Variants in CAMK2B observed in about 807,000 individuals in gnomAD.
CAMK2B encodes calcium/calmodulin-dependent protein kinase type II subunit beta.
CAMK2B carries 27 observed loss-of-function variants against 93.7 expected under a neutral mutation model. The observed-to-expected ratio is 0.29, with a 90% CI of 0.21 to 0.40. The LOEUF is 0.40. Ranked by LOEUF, CAMK2B falls within the 10% of genes least tolerant of loss-of-function variation. CAMK2B has a pLI of 1.00. For synonymous variants in CAMK2B, 374 were observed against 358.8 expected (o/e 1.04, Z -0.48); for missense variants, 568 against 895.8 (o/e 0.63, Z 4.67).
At chr7:44,227,916 A>G (rs533055820) in intron 19 of CAMK2B, among the ~76,000 whole-genome samples, 1 of 89,252 alleles carries the variant, frequency 1.1e-5, no homozygotes, top group Non-Finnish European at 2.2e-5. Context: ...ACTTAGGGGG[A>G]CGTGGAGAGG....
chr7:44,304,283 AC>A (rs996714005), intron 1 of CAMK2B, among the ~76,000 whole-genome samples: 20 of 152,324 alleles, frequency 1.3e-4, no homozygotes, highest in Non-Finnish European at 2.6e-4. Context: ...TCCACAAAAT[AC>A]CCGCAAACGG....
At chr7:44,320,870 C>T (rs1157015993) in intron 1 of CAMK2B, among the ~76,000 whole-genome samples, 3 of 152,232 alleles carry the variant, frequency 2.0e-5, no homozygotes, top group South Asian at 4.2e-4. Context: ...GGCAGGGAGC[C>T]GGACCTCCGC....
At position 44,219,200 on chromosome 7, in the gene CAMK2B, C is replaced by G. The variant is rs948057788; in HGVS notation, c.*325G>C. 1 of 151,884 alleles carries G rather than the reference C, an allele frequency of 6.6e-6. No individual in the cohort carries two copies. The highest frequency in any genetic ancestry group is 2.4e-5 in the African/African-American group (1 of 41,314). 9.4% of individuals were successfully genotyped at this position (151,884 alleles called of 1,614,324 possible). Reference sequence around the variant, plus strand: ...GTCCCCCAGAGGCCAGGAGCACAGACGGACACACGTGGAGCTTGGGTGGGG... The same window carrying G: ...GTCCCCCAGAGGCCAGGAGCACAGAGGGACACACGTGGAGCTTGGGTGGGG... On this transcript the variant is annotated 3_prime_UTR_variant, in exon 24 of 24. Transcript: ENST00000395749.
In CAMK2B at chr7:44,219,283, G is replaced by GTT. The variant is rs11379227; in HGVS notation, c.*240_*241dup. Reference sequence around the variant, plus strand: ...CTTTTTCCTTCCTTTAGTTTTTTTTGTTTTTTTTTTTTTTCATTTCATCTG... The same window carrying GTT: ...CTTTTTCCTTCCTTTAGTTTTTTTTGTTTTTTTTTTTTTTTTCATTTCATCTG... On this transcript the variant is annotated 3_prime_UTR_variant, in exon 24 of 24. Coordinates refer to ENST00000395749, the MANE Select transcript of CAMK2B (RefSeq NM_001220.5). The GTT allele has an allele frequency of 0.049, 4,022 of 81,594 alleles. 109 individuals are homozygous for GTT. Among genetic ancestry groups the GTT allele is most frequent in the East Asian group, 0.1 (291 of 2,786 alleles). The allele number at this position is 81,594 out of a possible 1,614,324, so 5.1% of individuals were successfully genotyped here.
intron 3 of CAMK2B, among the ~76,000 whole-genome samples, chr7:44,261,316 C>A (rs936392824): frequency 2.0e-5 from 3 of 152,272 alleles, no homozygotes; most frequent in Non-Finnish European, 4.4e-5. Flanking sequence ...GAAAATCACA[C>A]ACTCAGAGCA....
At chr7:44,250,527 C>CT (rs36056008) in intron 5 of CAMK2B, among the ~76,000 whole-genome samples, 1,474 of 117,778 alleles carry the variant, frequency 0.013, 39 homozygotes, top group South Asian at 0.042. Flanking sequence ...AGTGACATTG[C>CT]TTTTTTTTTT....
At chr7:44,269,954 G>A (rs1014838697) in intron 2 of CAMK2B, among the ~76,000 whole-genome samples, 9 of 152,136 alleles carry the variant, frequency 5.9e-5, no homozygotes, top group Non-Finnish European at 1.2e-4. Context: ...CACTTCCCTG[G>A]GCCTCATCTG....
intron 1 of CAMK2B, among the ~76,000 whole-genome samples, chr7:44,309,690 C>T (rs1414041477): frequency 6.6e-6 from 1 of 152,164 alleles, no homozygotes; most frequent in Non-Finnish European, 1.5e-5. Context: ...CTCGCCCGGG[C>T]AGGAGCGCCC....
In CAMK2B at chr7:44,224,614, T is replaced by A. The variant is rs1441142745; in HGVS notation, c.1597+1902A>T. 6.6e-6 allele frequency among the ~76,000 whole-genome samples: 1 copy of A among 151,736 alleles called. No individual in the cohort carries two copies. Among genetic ancestry groups the A allele is most frequent in the Non-Finnish European group, 1.5e-5 (1 of 67,910 alleles). On this transcript the variant is annotated intron_variant, in intron 20 of 23. Coordinates refer to ENST00000395749, the MANE Select transcript of CAMK2B (RefSeq NM_001220.5). This position sits in a 1 kb window ranked among gnomAD's most constrained non-coding sequence, Gnocchi z 4.4. ...GCAGGCCTAATGCGTCCAGGTGGGG[T>A]CAGAGCAGGTTCTCATCCTGGCCTG... is the stretch of plus-strand genomic sequence containing the variant.
At position 44,229,424 on chromosome 7, in the gene CAMK2B, G is replaced by A. The variant is rs2128914233; in HGVS notation, c.1303C>T (p.Pro435Ser). The change falls in exon 18 of 24, where the codon CCA becomes TCA. Residue 435 changes from proline (P) to serine (S), a missense_variant. Physicochemically the swap from Pro to Ser is moderately conservative, Grantham distance 74. Coordinates refer to ENST00000395749, the MANE Select transcript of CAMK2B (RefSeq NM_001220.5). ...APEAEGPLPC[P>S]SPAPFSPLPA... ...AGGGGGCTAAAGGGAGCCGGAGATGGGCAGGGCAGGGGCCCCTCGGCTTCT... is the reference window on the plus strand; with the variant it reads ...AGGGGGCTAAAGGGAGCCGGAGATGAGCAGGGCAGGGGCCCCTCGGCTTCT... The A allele has an allele frequency of 6.6e-7, 1 of 1,508,326 alleles. No individual in the cohort carries two copies. Among genetic ancestry groups the A allele is most frequent in the South Asian group, 1.3e-5 (1 of 78,346 alleles). The allele number at this position is 1,508,326 out of a possible 1,614,324, so 93.4% of individuals were successfully genotyped here. A position where few individuals can be genotyped will look rare whatever the true frequency, so the allele number is the denominator to read the frequency against.
chr7:44,305,397 T>C (rs1363508281), intron 1 of CAMK2B, among the ~76,000 whole-genome samples: 2 of 152,048 alleles, frequency 1.3e-5, no homozygotes, highest in African/African-American at 2.4e-5. Flanking sequence ...GGTGGGAGGA[T>C]TGCTTGAGCC....
intron 1 of CAMK2B, among the ~76,000 whole-genome samples, chr7:44,316,988 A>G (rs111416238): frequency 4.6e-5 from 7 of 152,168 alleles, no homozygotes; most frequent in African/African-American, 1.7e-4. Flanking sequence ...GGTATTAATC[A>G]CCTTCTACCC....
intron 1 of CAMK2B, among the ~76,000 whole-genome samples, chr7:44,291,935 G>A (rs187538937): frequency 6.6e-6 from 1 of 152,316 alleles, no homozygotes; most frequent in East Asian, 1.9e-4. Context: ...CCTAACCTGA[G>A]CTTCGGAGCC....
chr7:44,229,348 CCAACATG>C, intron 18 of CAMK2B, 33 bp downstream of exon 18: 1 of 1,406,508 alleles, frequency 7.1e-7, no homozygotes, highest in African/African-American at 1.5e-5. Context: ...TGCCAGCCCT[CCAACATG>C]ACCCCCACAG....
At chr7:44,234,359 G>C (rs1012787871) in intron 15 of CAMK2B, 31 bp downstream of exon 15, 1 of 1,483,260 alleles carries the variant, frequency 6.7e-7, no homozygotes, top group Non-Finnish European at 9.0e-7. Context: ...CGTAGGAGGG[G>C]CTGAGAGGCA....
chr7:44,292,039 A>G (rs1386823584), intron 1 of CAMK2B, among the ~76,000 whole-genome samples: 1 of 152,076 alleles, frequency 6.6e-6, no homozygotes, highest in Non-Finnish European at 1.5e-5. Flanking sequence ...TAAACAACAG[A>G]TATTTATTTT....
chr7:44,256,068 C>A (rs1035119721), intron 4 of CAMK2B, among the ~76,000 whole-genome samples: 11 of 152,200 alleles, frequency 7.2e-5, no homozygotes, highest in Admixed American at 4.6e-4. Flanking sequence ...GTGTCCCCGA[C>A]CAGCACCTGG....
chr7:44,244,822 G>A (rs1003279283), intron 6 of CAMK2B: 19 of 408,026 alleles, frequency 4.7e-5, no homozygotes, highest in Middle Eastern at 5.5e-4. Flanking sequence ...CTGAGCAGGC[G>A]GGATGAGGCC....
chr7:44,260,367 G>A (rs2096870004), intron 3 of CAMK2B, among the ~76,000 whole-genome samples: 1 of 152,064 alleles, frequency 6.6e-6, no homozygotes, highest in Admixed American at 6.6e-5. Context: ...GCAGATTCCT[G>A]GACTCCAGCA....
Sources: allele counts gnomAD v4.1 joint callset (sites outside exome capture counted in the v4.1 genomes callset), GRCh38; gene constraint gnomAD v4.1.1; non-coding constraint Gnocchi (gnomAD v3.1); transcripts MANE v1.5; gene names NCBI Gene and HGNC (gene_info 2026-07-23, HGNC 2026-07-21).